FAM25C: variants seen among roughly 807,000 people sequenced by gnomAD.
FAM25C encodes the protein family with sequence similarity 25 member C, also known as protein FAM25C.
A neutral mutation model predicts 9.6 loss-of-function variants in FAM25C; 4 were observed. The ratio of observed to expected loss-of-function variants is 0.42; its 90% confidence interval spans 0.20 to 0.95. FAM25C has a LOEUF of 0.95. FAM25C is among the 40% of genes least tolerant of loss of function. The pLI is 0.31. For synonymous variants in FAM25C, 23 were observed against 44.1 expected, an observed-to-expected ratio of 0.52 and a Z score of 1.89; for missense variants, 38 against 110.4, an observed-to-expected ratio of 0.34 and a Z score of 2.94.
intron 1 of FAM25C, among the ~76,000 whole-genome samples, 172 bp from the exon 2 acceptor site, chr10:47,997,911 C>A (rs1555256653): frequency 6.8e-6 from 1 of 147,902 alleles, no homozygotes; most frequent in Non-Finnish European, 1.5e-5. Flanking sequence ...CTTATCCTCA[C>A]AACAGACCTA....
chr10:47,997,098 C>G (rs1247081431), intron 2 of FAM25C, among the ~76,000 whole-genome samples: 1 of 148,718 alleles, frequency 6.7e-6, no homozygotes, highest in Non-Finnish European at 1.5e-5. Flanking sequence ...GGATTACAGG[C>G]GTGAGCCACC....
At chr10:47,998,254 A>C (rs1381250132) in intron 1 of FAM25C, among the ~76,000 whole-genome samples, 1 of 150,702 alleles carries the variant, frequency 6.6e-6, no homozygotes, top group Non-Finnish European at 1.5e-5. Context: ...CAGGTCTCTC[A>C]AAGCAATTCC....
At position 47,997,532 on chromosome 10, in the gene FAM25C, T is replaced by C. The variant is rs570274050; in HGVS notation, c.136+145A>G. On this transcript the variant is annotated intron_variant, in intron 2 of 2. Transcript: ENST00000617224. Reference sequence around the variant, plus strand: ...TACGGTCTGTGGCCTCTGATGAGCATAGATAACTGCCCCAGCCAAGAGGCT... The same window carrying C: ...TACGGTCTGTGGCCTCTGATGAGCACAGATAACTGCCCCAGCCAAGAGGCT... 5.0e-6 allele frequency: 4 copies of C among 798,532 alleles called. No individual in the cohort carries two copies. The African/African-American group carries it at 6.7e-5, about 13-fold the overall frequency. 49.5% of individuals were successfully genotyped at this position (798,532 alleles called of 1,614,324 possible).
At chr10:47,995,751 T>C (rs1488487639) in intron 2 of FAM25C, among the ~76,000 whole-genome samples, 9 of 148,800 alleles carry the variant, frequency 6.0e-5, no homozygotes, top group African/African-American at 1.8e-4. Flanking sequence ...TGCCTGCTTA[T>C]CCTTTTTTCT....
Position 47,995,324 on chromosome 10 carries a change from C to A in FAM25C, c.*54G>T, listed in dbSNP as rs1842785001. ...GGGAATAAATCCAGCGCTCAATGTA[C>A]ACATGTCATGGCTTTTTATTGAGAC... On this transcript the variant is annotated 3_prime_UTR_variant, in exon 3 of 3. Transcript: ENST00000617224. 7.8e-7 allele frequency: 1 copy of A among 1,274,286 alleles called. No homozygotes were observed. The highest frequency in any genetic ancestry group is 1.5e-5 in the African/African-American group (1 of 66,080). The allele number at this position is 1,274,286 out of a possible 1,614,324, so 78.9% of individuals were successfully genotyped here.
At chr10:47,997,819 G>C in intron 1 of FAM25C, 80 bp from the exon 2 acceptor site, 1 of 1,450,316 alleles carries the variant, frequency 6.9e-7, no homozygotes, top group Non-Finnish European at 9.4e-7. Context: ...GTTCAGAGCA[G>C]AGCCGCTGCC....
At chr10:47,998,275 C>T (rs868923830) in intron 1 of FAM25C, among the ~76,000 whole-genome samples, 12 of 149,932 alleles carry the variant, frequency 8.0e-5, no homozygotes, top group East Asian at 4.0e-4. Flanking sequence ...TCCAACAAAA[C>T]GGAATTCTCT....
rs549335119 is a variant in FAM25C, at chr10:47,995,357, G to A, written c.*21C>T. ...ATGGCTTTTTATTGAGACTGGGGAAGGGCCGTGGTAGCAGGTGCACTCACT... is the reference window on the plus strand; with the variant it reads ...ATGGCTTTTTATTGAGACTGGGGAAAGGCCGTGGTAGCAGGTGCACTCACT... On this transcript the variant is annotated 3_prime_UTR_variant, in exon 3 of 3. Coordinates refer to ENST00000617224, the MANE Select transcript of FAM25C (RefSeq NM_001137548.3). 3 of 1,465,382 alleles carry A rather than the reference G, an allele frequency of 2.0e-6. No individual in the cohort carries two copies. Among genetic ancestry groups the A allele is most frequent in the Admixed American group, 2.0e-5 (1 of 49,768 alleles). 90.8% of individuals were successfully genotyped at this position (1,465,382 alleles called of 1,614,324 possible). A position where few individuals can be genotyped will look rare whatever the true frequency, so the allele number is the denominator to read the frequency against.
At chr10:47,995,617 G>A in intron 2 of FAM25C, 106 bp from the exon 3 acceptor site, 3 of 1,112,702 alleles carry the variant, frequency 2.7e-6, no homozygotes, top group Non-Finnish European at 3.8e-6. Flanking sequence ...AGTCTCTGGA[G>A]TGGCCCGATG....
At chr10:47,996,852 G>T (rs1555256539) in intron 2 of FAM25C, among the ~76,000 whole-genome samples, 7 of 58,584 alleles carry the variant, frequency 1.2e-4, no homozygotes, top group South Asian at 1.0e-3. Flanking sequence ...TTTTTTTTGA[G>T]ACAGAGTATC....
At chr10:47,996,966 G>T (rs1253605892) in intron 2 of FAM25C, among the ~76,000 whole-genome samples, 1 of 139,962 alleles carries the variant, frequency 7.1e-6, no homozygotes, top group Non-Finnish European at 1.6e-5. Context: ...CGAGTAGCTA[G>T]GACTACAGGT....
chr10:47,998,260 A>G (rs1842832752), intron 1 of FAM25C, among the ~76,000 whole-genome samples: 1 of 150,474 alleles, frequency 6.6e-6, no homozygotes, highest in African/African-American at 2.5e-5. Flanking sequence ...TCTCAAAGCA[A>G]TTCCTCCAAC....
At chr10:47,998,372 C>T (rs368839401) in intron 1 of FAM25C, among the ~76,000 whole-genome samples, 4,170 of 138,670 alleles carry the variant, frequency 0.03, 64 homozygotes, top group East Asian at 0.14. Flanking sequence ...CTTATTCTAA[C>T]TCTACCTTCC....
At chr10:47,998,142 G>T (rs1216492118) in intron 1 of FAM25C, among the ~76,000 whole-genome samples, 1 of 151,460 alleles carries the variant, frequency 6.6e-6, no homozygotes, top group Non-Finnish European at 1.5e-5. Flanking sequence ...CTTGCCAGCT[G>T]AGACATGAAA....
intron 2 of FAM25C, among the ~76,000 whole-genome samples, chr10:47,997,133 G>A (rs1333319277): frequency 2.8e-5 from 4 of 145,174 alleles, no homozygotes; most frequent in Non-Finnish European, 4.5e-5. Flanking sequence ...TTTTGAGACC[G>A]AGTTTCGCTC....
Position 47,995,504 on chromosome 10 carries a change from A to T in FAM25C, c.144T>A (p.Ala48=). 1 of 1,534,452 alleles carries T rather than the reference A, an allele frequency of 6.5e-7. No homozygotes were observed. Among genetic ancestry groups the T allele is most frequent in the Non-Finnish European group, 8.7e-7 (1 of 1,146,002 alleles). ...HAKETGEKAI[A]EAIKKAQESG... Reference sequence around the variant, plus strand: ...ACTCCTGGGCTTTCTTTATGGCTTCAGCAATGGCTGTTGGAAAGAAAGAGG... The same window carrying T: ...ACTCCTGGGCTTTCTTTATGGCTTCTGCAATGGCTGTTGGAAAGAAAGAGG... Residue 48 remains alanine, a synonymous_variant, in exon 3 of 3, where the codon GCT becomes GCA. Transcript: ENST00000617224.
chr10:47,995,562 G>A (rs1377863396), intron 2 of FAM25C, 51 bp from the exon 3 acceptor site: 1 of 1,533,526 alleles, frequency 6.5e-7, no homozygotes. Flanking sequence ...TGCTGAACTT[G>A]TGTCCCCTTG....
intron 2 of FAM25C, 58 bp from the exon 3 acceptor site, chr10:47,995,569 C>A: frequency 6.5e-7 from 1 of 1,529,282 alleles, no homozygotes; most frequent in South Asian, 1.2e-5. Context: ...CTTGTGTCCC[C>A]TTGAGTGGCC....
intron 2 of FAM25C, 32 bp from the exon 3 acceptor site, chr10:47,995,543 T>A (rs782425364): frequency 6.5e-7 from 1 of 1,534,454 alleles, no homozygotes; most frequent in South Asian, 1.2e-5. Flanking sequence ...AATGTCCTAG[T>A]GATCCACCTG....
Sources: gnomAD v4.1 joint callset for allele counts (sites outside exome capture counted in the v4.1 genomes callset) on GRCh38, gnomAD v4.1.1 for gene constraint, MANE v1.5 for transcripts, NCBI Gene and HGNC (gene_info 2026-07-23, HGNC 2026-07-21) for gene names.